SNAPC3: variants seen among roughly 807,000 people sequenced by gnomAD.
SNAPC3 encodes the protein small nuclear RNA activating complex polypeptide 3, also known as snRNA-activating protein complex subunit 3.
Under a neutral mutation model 47.7 loss-of-function variants are expected in SNAPC3, and 56 were observed. The ratio of observed to expected loss-of-function variants is 1.18; its 90% CI spans 0.95 to 1.47. The LOEUF is 1.47. Among genes scored for constraint, SNAPC3 ranks in the 40% most tolerant of loss-of-function variants. The pLI, the probability that SNAPC3 is intolerant of heterozygous loss-of-function variation, is 0.00. For missense variants in SNAPC3, 665 were observed against 511.3 expected (o/e 1.30, Z -2.90); for synonymous variants, 235 against 189.9 (o/e 1.24, Z -1.95).
At chr9:15,455,729 C>T (rs374823500) in intron 7 of SNAPC3, among the ~76,000 whole-genome samples, 20 of 147,172 alleles carry the variant, frequency 1.4e-4, no homozygotes, top group African/African-American at 2.8e-4. Flanking sequence ...GACGGAGTTT[C>T]GCTCTGTTGC....
At position 15,433,654 on chromosome 9, in the gene SNAPC3, CT is replaced by C; in HGVS notation, c.477+23del. 2 of 1,427,422 alleles carry C rather than the reference CT, an allele frequency of 1.4e-6. No individual in the cohort carries two copies. The highest frequency in any genetic ancestry group is 2.0e-6 in the Non-Finnish European group (2 of 1,016,890). 88.4% of individuals were successfully genotyped at this position (1,427,422 alleles called of 1,614,324 possible). A position where few individuals can be genotyped will look rare whatever the true frequency, so the allele number is the denominator to read the frequency against. The stretch of plus-strand genomic sequence containing the variant: ...ATGAGATGGTAATTAAGAGTCTCAT[CT>C]TTTTCACCCTTTTCTCTTAAAACAG... On this transcript the variant is annotated intron_variant, in intron 3 of 8. Coordinates refer to ENST00000380821, the MANE Select transcript of SNAPC3 (RefSeq NM_001039697.2).
At chr9:15,455,774 C>A (rs1045318317) in intron 7 of SNAPC3, among the ~76,000 whole-genome samples, 1 of 151,970 alleles carries the variant, frequency 6.6e-6, no homozygotes, top group East Asian at 1.9e-4. Context: ...TCTCAGCTCA[C>A]CGCAACCTCT....
At chr9:15,446,316 C>T (rs1161993655) in intron 4 of SNAPC3, among the ~76,000 whole-genome samples, 1 of 152,210 alleles carries the variant, frequency 6.6e-6, no homozygotes, top group African/African-American at 2.4e-5. Flanking sequence ...GAGCAATCCT[C>T]CTGCCTCAGC....
intron 3 of SNAPC3, among the ~76,000 whole-genome samples, chr9:15,442,020 G>C (rs1429802679): frequency 1.3e-5 from 2 of 152,100 alleles, no homozygotes; most frequent in East Asian, 3.9e-4. Flanking sequence ...GCCAGGCGGA[G>C]GCGCTCCCCA....
At chr9:15,456,986 T>C (rs1272770310) in intron 7 of SNAPC3, among the ~76,000 whole-genome samples, 2 of 152,240 alleles carry the variant, frequency 1.3e-5, no homozygotes, top group African/African-American at 2.4e-5. Flanking sequence ...AGAACAATTT[T>C]GTGTAGTCCT....
chr9:15,432,020 G>A (rs1161491843), intron 2 of SNAPC3: 1 of 149,896 alleles, frequency 6.7e-6, no homozygotes, highest in African/African-American at 2.5e-5. Context: ...TTGATATAAT[G>A]TAAAGGTGAA....
chr9:15,458,677 G>A (rs2034980272), intron 8 of SNAPC3, among the ~76,000 whole-genome samples: 1 of 151,970 alleles, frequency 6.6e-6, no homozygotes, highest in Non-Finnish European at 1.5e-5. Flanking sequence ...AAAAAAATTT[G>A]TTGCTTTTGG....
In SNAPC3 at chr9:15,444,610, T is replaced by C. The variant is rs769096359; in HGVS notation, c.486T>C (p.His162=). The change falls in exon 4 of 9, where the codon CAT becomes CAC. Residue 162 remains histidine (H), a synonymous_variant. Transcript: ENST00000380821. ...QETFVYEMES[H]AIGKKPENSA... is the part of the protein sequence containing the mutation. ...TCTTTTTCTTTCTTCAGGAGTCACA[T>C]GCCATAGGAAAAAAGCCTGAAAATT... The C allele has an allele frequency of 6.2e-7, 1 of 1,605,144 alleles. No homozygotes were observed. The highest frequency in any genetic ancestry group is 1.7e-5 in the Admixed American group (1 of 59,864).
rs755783839 is a variant in SNAPC3 at position 15,447,092 on chromosome 9, T to C, written c.583-3T>C. ...GAACACTTATTTATTCTTTGACTTT[T>C]AGCACAAAGAACACAAACCATACCA... On this transcript the variant is annotated splice_region_variant and splice_polypyrimidine_tract_variant and intron_variant, in intron 4 of 8. Transcript: ENST00000380821. 5 of 1,613,284 alleles carry C rather than the reference T, an allele frequency of 3.1e-6. No individual in the cohort carries two copies. The highest frequency in any genetic ancestry group is 4.2e-6 in the Non-Finnish European group (5 of 1,179,224).
intron 3 of SNAPC3, among the ~76,000 whole-genome samples, chr9:15,443,159 TGGAGAG>T (rs1365832319): frequency 6.6e-6 from 1 of 151,442 alleles, no homozygotes; most frequent in Non-Finnish European, 1.5e-5. Flanking sequence ...AGGGAGACTG[TGGAGAG>T]AGAGGGAGAG....
At chr9:15,435,949 T>A (rs1281490765) in intron 3 of SNAPC3, among the ~76,000 whole-genome samples, 1 of 150,818 alleles carries the variant, frequency 6.6e-6, no homozygotes, top group Non-Finnish European at 1.5e-5. Flanking sequence ...GTTCAAGTGA[T>A]GCTTCTGCAT....
intron 7 of SNAPC3, among the ~76,000 whole-genome samples, chr9:15,457,398 C>T (rs1457215068): frequency 6.6e-6 from 1 of 151,790 alleles, no homozygotes; most frequent in East Asian, 1.9e-4. Flanking sequence ...AGTTTGAGAC[C>T]AGCCTGGACA....
chr9:15,447,195 G>A lies in SNAPC3; in HGVS notation c.683G>A (p.Gly228Asp), dbSNP rs769054293. 1.9e-6 allele frequency: 3 copies of A among 1,614,054 alleles called. No individual in the cohort carries two copies. The highest frequency in any genetic ancestry group is 2.5e-6 in the Non-Finnish European group (3 of 1,179,926). ...CGATGTGTCAGTGACCTCCAGATTG[G>A]TGGTGAATTCAGCAACACTCCTGAC... Reference protein sequence around the residue: ...SIRCVSDLQIGGEFSNTPDQA... With the variant: ...SIRCVSDLQIDGEFSNTPDQA... Residue 228 changes from glycine (G) to aspartate (D), a missense_variant, in exon 5 of 9, where the codon GGT (glycine) becomes GAT (aspartate). By Grantham distance (94) the Gly-to-Asp change is moderately conservative (BLOSUM62 -1). Transcript: ENST00000380821.
chr9:15,424,033 C>T (rs2030985733), intron 2 of SNAPC3, 47 bp downstream of exon 2: 4 of 1,131,918 alleles, frequency 3.5e-6, no homozygotes, highest in Non-Finnish European at 5.1e-6. Context: ...AACATTTTTT[C>T]AACATTATGT....
rs2033779837 is a variant in SNAPC3 at position 15,444,632 on chromosome 9, A to T, written c.508A>T (p.Asn170Tyr). 1.9e-6 allele frequency: 3 copies of T among 1,612,750 alleles called. No homozygotes were observed. The highest frequency in any genetic ancestry group is 2.5e-6 in the Non-Finnish European group (3 of 1,178,946). Residue 170 changes from asparagine (N) to tyrosine (Y), a missense_variant, in exon 4 of 9, where the codon AAT becomes TAT. By Grantham distance (143) the Asn-to-Tyr change is moderately radical (BLOSUM62 -2). Coordinates refer to ENST00000380821, the MANE Select transcript of SNAPC3 (RefSeq NM_001039697.2). ...ESHAIGKKPE[N>Y]SADMIEEGEL... is the part of the protein sequence containing the mutation. ...ACATGCCATAGGAAAAAAGCCTGAA[A>T]ATTCAGCAGACATGATTGAAGAAGG...
At position 15,425,851 on chromosome 9, in the gene SNAPC3, C is replaced by G. The variant is rs550596733; in HGVS notation, c.392+1865C>G. ...TCACAAAGGCCTCTAAGGAGTGGAC[C>G]TTGCTGTTTTCATTTTGTTTTGTTT... On this transcript the variant is annotated intron_variant, in intron 2 of 8. Transcript: ENST00000380821. Among the ~76,000 whole-genome samples, 3 of 152,198 alleles carry G rather than the reference C, an allele frequency of 2.0e-5. No individual in the cohort carries two copies. In the South Asian group the frequency reaches 6.2e-4, roughly 32 times the overall value.
chr9:15,458,707 G>A (rs1036367007), intron 8 of SNAPC3, among the ~76,000 whole-genome samples: 3 of 152,046 alleles, frequency 2.0e-5, no homozygotes, highest in Admixed American at 1.3e-4. Context: ...TGGGAGGATC[G>A]CTTGAGGCCT....
At chr9:15,449,073 G>A (rs372233306) in intron 5 of SNAPC3, among the ~76,000 whole-genome samples, 4 of 152,242 alleles carry the variant, frequency 2.6e-5, no homozygotes, top group East Asian at 3.9e-4. Context: ...GCCTCCTAAA[G>A]TGCTGGGATT....
chr9:15,458,509 C>G (rs2034970396), intron 8 of SNAPC3, among the ~76,000 whole-genome samples: 2 of 152,192 alleles, frequency 1.3e-5, no homozygotes, highest in South Asian at 4.1e-4. Flanking sequence ...CTTTCTGCCT[C>G]TTGTCCACAT....
Sources: gnomAD v4.1 joint callset for allele counts (sites outside exome capture counted in the v4.1 genomes callset) on GRCh38, gnomAD v4.1.1 for gene constraint, MANE v1.5 for transcripts, NCBI Gene and HGNC (gene_info 2026-07-23, HGNC 2026-07-21) for gene names.